Variants in ADAM18 observed in about 807,000 individuals in gnomAD.
ADAM18 encodes disintegrin and metalloproteinase domain-containing protein 18.
Under a neutral mutation model 94.4 loss-of-function variants are expected in ADAM18, and 117 were observed. The ratio of observed to expected loss-of-function variants is 1.24; its 90% CI spans 1.07 to 1.45. The LOEUF (loss-of-function observed/expected upper bound fraction) is 1.45, where lower values mean the gene tolerates loss of function less well. Among genes scored for constraint, ADAM18 ranks in the 40% most tolerant of loss-of-function variants. The pLI is 0.00. For missense variants in ADAM18, 936 were observed against 880.0 expected, an observed-to-expected ratio of 1.06 and a Z score of -0.81; for synonymous variants, 327 against 291.6, an observed-to-expected ratio of 1.12 and a Z score of -1.24.
chr8:39,612,520 C>T (rs1041881533), intron 6 of ADAM18, among the ~76,000 whole-genome samples: 3 of 152,138 alleles, frequency 2.0e-5, no homozygotes, highest in African/African-American at 7.2e-5. Context: ...GGACCCCAGC[C>T]TGTGCAGAAC....
chr8:39,722,774 A>G (rs1247399724), intron 18 of ADAM18, among the ~76,000 whole-genome samples: 1 of 151,662 alleles, frequency 6.6e-6, no homozygotes, highest in African/African-American at 2.4e-5. Flanking sequence ...ATGCTCTTAG[A>G]GGCAAAATTA....
At chr8:39,634,203 A>T (rs778044432) in intron 7 of ADAM18, among the ~76,000 whole-genome samples, 12 of 152,086 alleles carry the variant, frequency 7.9e-5, no homozygotes, top group Non-Finnish European at 1.6e-4. Flanking sequence ...TGTGGTTTCA[A>T]AGGGTGCAGA....
intron 7 of ADAM18, among the ~76,000 whole-genome samples, chr8:39,634,025 G>C (rs940296748): frequency 1.3e-5 from 2 of 152,146 alleles, no homozygotes. Context: ...CAAGCCCAGA[G>C]TGCTGGGGAT....
intron 2 of ADAM18, among the ~76,000 whole-genome samples, chr8:39,590,784 A>C (rs1818549484): frequency 6.6e-6 from 1 of 152,190 alleles, no homozygotes; most frequent in Non-Finnish European, 1.5e-5. Flanking sequence ...CACACCTCCA[A>C]AATTAGCACT....
chr8:39,652,682 GGA>G, intron 12 of ADAM18, among the ~76,000 whole-genome samples: 1 of 152,198 alleles, frequency 6.6e-6, no homozygotes, highest in South Asian at 2.1e-4. Flanking sequence ...TCCCATTACT[GGA>G]TATATATTCA....
At chr8:39,667,294 C>T (rs554510603) in intron 13 of ADAM18, among the ~76,000 whole-genome samples, 3 of 150,308 alleles carry the variant, frequency 2.0e-5, no homozygotes, top group African/African-American at 4.9e-5. Flanking sequence ...CCTAGCTACT[C>T]GGGAGGCTGA....
intron 7 of ADAM18, among the ~76,000 whole-genome samples, chr8:39,629,776 T>C (rs1217492305): frequency 1.3e-5 from 2 of 151,886 alleles, no homozygotes; most frequent in African/African-American, 4.8e-5. Context: ...ATTTTCTTAA[T>C]ATTTTAAAAT....
chr8:39,716,375 C>T (rs1173782519), intron 18 of ADAM18, among the ~76,000 whole-genome samples: 1 of 151,822 alleles, frequency 6.6e-6, no homozygotes, highest in Non-Finnish European at 1.5e-5. Flanking sequence ...TTTGCTGCAG[C>T]CCATAATTTT....
chr8:39,686,581 G>A (rs936781310), intron 16 of ADAM18, among the ~76,000 whole-genome samples: 9 of 152,044 alleles, frequency 5.9e-5, no homozygotes, highest in Non-Finnish European at 1.2e-4. Flanking sequence ...TGAATTTTGG[G>A]GAACACAAAT....
intron 6 of ADAM18, among the ~76,000 whole-genome samples, chr8:39,620,336 C>G (rs539915873): frequency 2.8e-4 from 30 of 105,982 alleles, no homozygotes; most frequent in African/African-American, 9.6e-4. Flanking sequence ...GACAGGACCT[C>G]AAAAGCACAT....
At chr8:39,684,608 G>A (rs939637407) in intron 16 of ADAM18, among the ~76,000 whole-genome samples, 14 of 152,258 alleles carry the variant, frequency 9.2e-5, no homozygotes, top group African/African-American at 3.4e-4. Flanking sequence ...CTGAGGTTGA[G>A]GGGGCAGTTC....
chr8:39,656,909 A>T (rs139879494), intron 12 of ADAM18, among the ~76,000 whole-genome samples: 5 of 152,224 alleles, frequency 3.3e-5, no homozygotes, highest in African/African-American at 1.2e-4. Flanking sequence ...ATTGGTGAGG[A>T]TAAGTAGCTA....
chr8:39,605,806 A>C, intron 2 of ADAM18: 1 of 177,640 alleles, frequency 5.6e-6, no homozygotes, highest in South Asian at 1.2e-4. Flanking sequence ...TGCACCCATC[A>C]CCCGAGCAGT....
chr8:39,606,356 G>C lies in ADAM18; in HGVS notation c.182G>C (p.Gly61Ala), dbSNP rs780864230. 1.3e-6 allele frequency: 2 copies of C among 1,548,302 alleles called. No homozygotes were observed. The highest frequency in any genetic ancestry group is 4.7e-5 in the East Asian group (2 of 42,726). Reference protein sequence around the residue: ...IDGQPYTLHLGKQSFLPQNFL... With the variant: ...IDGQPYTLHLAKQSFLPQNFL... ...GGACAACCTTACACTCTACATCTCG[G>C]AAAACAGTAAGATATGATTTTTTTT... The change falls in exon 3 of 20, where the codon GGA (glycine) becomes GCA (alanine). Residue 61 changes from glycine (G) to alanine (A), a missense_variant. Coordinates refer to ENST00000265707, the MANE Select transcript of ADAM18 (RefSeq NM_014237.3).
intron 12 of ADAM18, among the ~76,000 whole-genome samples, chr8:39,655,654 A>G (rs999040022): frequency 1.3e-5 from 2 of 152,138 alleles, no homozygotes; most frequent in African/African-American, 2.4e-5. Context: ...CCACCAAAGC[A>G]ACAAAAAGAA....
At chr8:39,621,696 A>G (rs903538851) in intron 6 of ADAM18, among the ~76,000 whole-genome samples, 14 of 152,178 alleles carry the variant, frequency 9.2e-5, no homozygotes, top group Non-Finnish European at 1.8e-4. Context: ...TCAGTAATAC[A>G]CTGGATAAAG....
intron 12 of ADAM18, among the ~76,000 whole-genome samples, chr8:39,654,907 G>A (rs1035937710): frequency 6.6e-6 from 1 of 152,042 alleles, no homozygotes; most frequent in Non-Finnish European, 1.5e-5. Flanking sequence ...CTATTCGGTT[G>A]TTTGAGTTCC....
In ADAM18 at chr8:39,609,472, T is replaced by A; in HGVS notation, c.268-13T>A. ...ACGAATTTATATACTTGCCTTTCTATACTGTTTTTCAGATGCATTGCCATT... is the reference window on the plus strand; with the variant it reads ...ACGAATTTATATACTTGCCTTTCTAAACTGTTTTTCAGATGCATTGCCATT... On this transcript the variant is annotated splice_polypyrimidine_tract_variant and intron_variant, in intron 4 of 19. Transcript: ENST00000265707. 6.2e-7 allele frequency: 1 copy of A among 1,602,030 alleles called. No individual in the cohort carries two copies.
chr8:39,700,834 A>G (rs1180438138), intron 17 of ADAM18, among the ~76,000 whole-genome samples: 3 of 151,946 alleles, frequency 2.0e-5, no homozygotes, highest in Non-Finnish European at 2.9e-5. Context: ...CCCACCAACT[A>G]TTGACCCATA....
Sources: allele counts gnomAD v4.1 joint callset (sites outside exome capture counted in the v4.1 genomes callset), GRCh38; gene constraint gnomAD v4.1.1; transcripts MANE v1.5; gene names NCBI Gene and HGNC (gene_info 2026-07-23, HGNC 2026-07-21).